POR: variants seen among roughly 807,000 people sequenced by gnomAD.
The protein encoded by POR is NADPH--cytochrome P450 reductase.
Under a neutral mutation model 84.0 loss-of-function variants are expected in POR, and 56 were observed. That is an observed-to-expected ratio of 0.67 (90% CI 0.54 to 0.83). POR has a LOEUF of 0.83. POR is among the 40% of genes least tolerant of loss of function. The pLI is 0.00. For synonymous variants in POR, 414 were observed against 400.5 expected (o/e 1.03, Z -0.40); for missense variants, 938 against 944.3 (o/e 0.99, Z 0.09).
intron 3 of POR, among the ~76,000 whole-genome samples, chr7:75,979,235 CGT>C (rs1369313459): frequency 2.6e-5 from 4 of 152,224 alleles, no homozygotes; most frequent in African/African-American, 2.4e-5. Context: ...TGAGCAGCCG[CGT>C]GTGTGAGATT....
At chr7:75,964,388 A>T (rs554571909) in intron 2 of POR, among the ~76,000 whole-genome samples, 2 of 151,586 alleles carry the variant, frequency 1.3e-5, no homozygotes, top group Non-Finnish European at 2.9e-5. Flanking sequence ...GCTCACTGCC[A>T]CCTCCGCCTC....
In POR at chr7:75,935,065, A is replaced by G. The variant is rs184116941; in HGVS notation, c.-4-18924A>G. ...ATGGTAGATCCACCAGCATCTTACA[A>G]CCTGTCCCTGGAAAAGCCACAGGCT... On this transcript the variant is annotated intron_variant, in intron 1 of 15. Transcript: ENST00000461988. Among the ~76,000 whole-genome samples the G allele has an allele frequency of 6.6e-5, 10 of 152,190 alleles. No individual in the cohort carries two copies. The East Asian group carries it at 1.5e-3, about 24-fold the overall frequency.
At chr7:75,981,215 G>A (rs923897790) in intron 6 of POR, 43 bp downstream of exon 6, 3 of 1,492,616 alleles carry the variant, frequency 2.0e-6, no homozygotes, top group Non-Finnish European at 2.7e-6. Context: ...GGCGGGCTTA[G>A]GCAGGGGCCG....
Position 75,985,972 on chromosome 7 carries a change from T to A in POR, c.1719T>A (p.Asp573Glu). ...TGTACTACGGCTGCCGCCGCTCGGA[T>A]GAGGACTACCTGTACCGGGAGGAGC... is the stretch of plus-strand genomic sequence containing the variant. Residue 573 changes from aspartate (D) to glutamate (E), a missense_variant, in exon 14 of 16, where the codon GAT becomes GAA. Physicochemically the swap from Asp to Glu is conservative, Grantham distance 45 (BLOSUM62 2). Transcript: ENST00000461988. 1 of 1,585,602 alleles carries A rather than the reference T, an allele frequency of 6.3e-7. No homozygotes were observed. The highest frequency in any genetic ancestry group is 8.6e-7 in the Non-Finnish European group (1 of 1,167,284).
chr7:75,962,529 C>T (rs145744490), intron 2 of POR, among the ~76,000 whole-genome samples: 1 of 152,278 alleles, frequency 6.6e-6, no homozygotes, highest in Non-Finnish European at 1.5e-5. Context: ...GTTCGAACGT[C>T]TGAGTTCAAG....
At position 75,979,464 on chromosome 7, in the gene POR, TC is replaced by T. The variant is rs1563429061; in HGVS notation, c.252del (p.Ile84MetfsTer42). ...TGCCTTCCTTAGGGGAGGAACATCA[TC>T]GTGTTCTACGGCTCCCAGACGGGGA... is the stretch of plus-strand genomic sequence containing the variant. On this transcript the variant is annotated frameshift_variant, in exon 4 of 16. Coordinates refer to ENST00000461988, the MANE Select transcript of POR (RefSeq NM_000941.3). LOFTEE classifies it high-confidence loss of function. 6.2e-7 allele frequency: 1 copy of T among 1,613,200 alleles called. No individual in the cohort carries two copies. Among genetic ancestry groups the T allele is most frequent in the South Asian group, 1.1e-5 (1 of 90,994 alleles).
chr7:75,922,322 T>G (rs963478331), intron 1 of POR, among the ~76,000 whole-genome samples: 2 of 146,696 alleles, frequency 1.4e-5, no homozygotes, highest in Non-Finnish European at 3.0e-5. Context: ...ATCTGTAGTT[T>G]TTTTTTTTTT....
At chr7:75,922,327 T>G (rs995336579) in intron 1 of POR, among the ~76,000 whole-genome samples, 1 of 150,812 alleles carries the variant, frequency 6.6e-6, no homozygotes, top group Non-Finnish European at 1.5e-5. Flanking sequence ...TAGTTTTTTT[T>G]TTTTTTTTTT....
chr7:75,972,787 C>G (rs1403299985), intron 3 of POR: 5 of 379,794 alleles, frequency 1.3e-5, no homozygotes, highest in Non-Finnish European at 2.5e-5. Flanking sequence ...GAGCTGCGGT[C>G]GTGGCACCAC....
At chr7:75,979,323 G>T (rs1315363041) in intron 3 of POR, 128 bp from the exon 4 acceptor site, 17 of 1,122,374 alleles carry the variant, frequency 1.5e-5, no homozygotes, top group South Asian at 3.0e-5. Flanking sequence ...ACTTAGAAGG[G>T]ACTCAAAGCC....
Position 75,983,740 on chromosome 7 carries a change from A to G in POR, c.950A>G (p.Tyr317Cys). The G allele has an allele frequency of 6.2e-7, 1 of 1,611,256 alleles. No homozygotes were observed. The highest frequency in any genetic ancestry group is 1.3e-5 in the African/African-American group (1 of 74,966). ...CCGAGCCTCACATCTCCCTCCAGGTATGAATCTGGGGACCACGTGGCTGTG... is the reference window on the plus strand; with the variant it reads ...CCGAGCCTCACATCTCCCTCCAGGTGTGAATCTGGGGACCACGTGGCTGTG... Residue 317 changes from tyrosine to cysteine, a missense_variant and splice_region_variant, in exon 10 of 16, where the codon TAT becomes TGT. Tyr to Cys is a radical substitution (Grantham distance 194). Coordinates refer to ENST00000461988, the MANE Select transcript of POR (RefSeq NM_000941.3).
chr7:75,916,364 A>G (rs1016675662), intron 1 of POR, among the ~76,000 whole-genome samples: 5 of 152,108 alleles, frequency 3.3e-5, no homozygotes, highest in South Asian at 2.1e-4. Flanking sequence ...TTCATTAACC[A>G]TTTGCAAGTT....
chr7:75,980,914 C>A, intron 5 of POR, 134 bp from the exon 6 acceptor site: 1 of 1,200,400 alleles, frequency 8.3e-7, no homozygotes, highest in Non-Finnish European at 1.1e-6. Context: ...GTGCGAGGCG[C>A]CTGGTGGAAC....
intron 1 of POR, among the ~76,000 whole-genome samples, chr7:75,952,424 C>A (rs1277171801): frequency 1.4e-5 from 2 of 145,060 alleles, no homozygotes; most frequent in East Asian, 4.1e-4. Flanking sequence ...CTGACCCCCC[C>A]ACCTCCCTCC....
At chr7:75,986,282 A>C in intron 15 of POR, 41 bp downstream of exon 15, 1 of 1,612,594 alleles carries the variant, frequency 6.2e-7, no homozygotes, top group Non-Finnish European at 8.5e-7. Context: ...CAGGGAGGAC[A>C]AGGCCCTGCC....
chr7:75,967,676 T>TG (rs1788246868), intron 2 of POR, among the ~76,000 whole-genome samples: 2 of 146,952 alleles, frequency 1.4e-5, no homozygotes, highest in Admixed American at 1.4e-4. Context: ...GGGGAGGGCG[T>TG]GGGGAGAAGG....
chr7:75,977,207 T>A (rs1349329287), intron 3 of POR, among the ~76,000 whole-genome samples: 2 of 152,128 alleles, frequency 1.3e-5, no homozygotes, highest in Non-Finnish European at 2.9e-5. Flanking sequence ...AGAGACTACT[T>A]TAGGCATTTT....
At chr7:75,945,091 G>C (rs1215239686) in intron 1 of POR, among the ~76,000 whole-genome samples, 1 of 151,978 alleles carries the variant, frequency 6.6e-6, no homozygotes, top group African/African-American at 2.4e-5. Flanking sequence ...TACCAGACTG[G>C]GCAATGTGGC....
At chr7:75,966,160 A>T (rs1048386108) in intron 2 of POR, among the ~76,000 whole-genome samples, 1 of 152,202 alleles carries the variant, frequency 6.6e-6, no homozygotes, top group Non-Finnish European at 1.5e-5. Context: ...GCCAGCATGC[A>T]GTAGGCACTC....
Sources: gnomAD v4.1 joint callset for allele counts (sites outside exome capture counted in the v4.1 genomes callset) on GRCh38, gnomAD v4.1.1 for gene constraint, MANE v1.5 for transcripts, NCBI Gene and HGNC (gene_info 2026-07-23, HGNC 2026-07-21) for gene names.